The following LRRC7 variants were observed in gnomAD, a reference collection of about 807,000 sequenced individuals.
LRRC7 encodes the protein leucine rich repeat containing 7.
Under a neutral mutation model 175.7 loss-of-function variants are expected in LRRC7, and 23 were observed. That is an observed-to-expected ratio of 0.13 (90% confidence interval 0.09 to 0.19). The LOEUF (loss-of-function observed/expected upper bound fraction) is 0.19. Among genes scored for constraint, LRRC7 ranks in the 10% least tolerant of loss-of-function variants. LRRC7 has a pLI of 1.00. For missense variants in LRRC7, 1,354 were observed against 1,904.7 expected, an observed-to-expected ratio of 0.71 and a Z score of 5.38; for synonymous variants, 685 against 680.9, an observed-to-expected ratio of 1.01 and a Z score of -0.09.
chr1:69,898,443 AG>A (rs1646040069), intron 7 of LRRC7, among the ~76,000 whole-genome samples: 1 of 152,244 alleles, frequency 6.6e-6, no homozygotes, highest in African/African-American at 2.4e-5. Flanking sequence ...TTAGCTGAAA[AG>A]GACTTTAATG....
Position 70,128,582 on chromosome 1 carries a change from A to T in LRRC7, c.*6695A>T, listed in dbSNP as rs184581052. The T allele has an allele frequency of 1.8e-4, 27 of 152,342 alleles. No homozygotes were observed. In the East Asian group the frequency reaches 4.2e-3, roughly 24 times the overall value. 9.4% of individuals were successfully genotyped at this position (152,342 alleles called of 1,614,324 possible). ...GAATCTCTGAGGCCTAAAGTATATT[A>T]TTCATAAACTGAAAACATTTGGAGA... On this transcript the variant is annotated 3_prime_UTR_variant, in exon 27 of 27. Coordinates refer to ENST00000651989, the MANE Select transcript of LRRC7 (RefSeq NM_001370785.2).
intron 4 of LRRC7, among the ~76,000 whole-genome samples, chr1:69,798,363 T>C (rs915420521): frequency 2.0e-5 from 3 of 152,282 alleles, no homozygotes; most frequent in African/African-American, 2.4e-5. Flanking sequence ...ATCGTACTTA[T>C]TATTCAAAAC....
chr1:69,945,251 G>T (rs1030510389), intron 8 of LRRC7, among the ~76,000 whole-genome samples: 2 of 151,994 alleles, frequency 1.3e-5, no homozygotes, highest in Non-Finnish European at 2.9e-5. Context: ...GTATTTATCA[G>T]AGACTATCCT....
At chr1:70,072,298 G>A (rs60841362) in intron 23 of LRRC7, among the ~76,000 whole-genome samples, 5 of 152,092 alleles carry the variant, frequency 3.3e-5, no homozygotes, top group Non-Finnish European at 5.9e-5. Context: ...TGTTCTCATA[G>A]CTAACCCTCT....
At chr1:69,979,294 G>C (rs1234813839) in intron 8 of LRRC7, among the ~76,000 whole-genome samples, 3 of 152,192 alleles carry the variant, frequency 2.0e-5, no homozygotes, top group African/African-American at 7.2e-5. Context: ...CAAGGCCTAA[G>C]AATAGGGAAG....
chr1:69,995,649 C>A (rs529739444), intron 11 of LRRC7, among the ~76,000 whole-genome samples: 1 of 150,880 alleles, frequency 6.6e-6, no homozygotes, highest in African/African-American at 2.4e-5. Context: ...TGAGAATATG[C>A]GGTGTTTGGT....
intron 1 of LRRC7, among the ~76,000 whole-genome samples, chr1:69,665,504 A>G (rs371774086): frequency 5.3e-5 from 8 of 152,076 alleles, no homozygotes; most frequent in South Asian, 4.2e-4. Flanking sequence ...CTTTGTATTA[A>G]TGTTTTATAG....
At chr1:69,646,408 G>A (rs1023315976) in intron 1 of LRRC7, among the ~76,000 whole-genome samples, 1 of 152,088 alleles carries the variant, frequency 6.6e-6, no homozygotes, top group African/African-American at 2.4e-5. Context: ...AGTTATAATA[G>A]TATGTGGTAC....
intron 7 of LRRC7, among the ~76,000 whole-genome samples, chr1:69,907,802 T>C (rs1646371979): frequency 1.3e-5 from 2 of 152,142 alleles, no homozygotes; most frequent in Admixed American, 6.5e-5. Flanking sequence ...GATTCCCTCT[T>C]TTTCTATTGA....
At chr1:69,883,901 G>C (rs1257134595) in intron 7 of LRRC7, among the ~76,000 whole-genome samples, 3 of 88,224 alleles carry the variant, frequency 3.4e-5, no homozygotes, top group Non-Finnish European at 7.1e-5. Context: ...TTTTTCTCAG[G>C]TTTGTCAAAG....
rs186280787 is a variant in LRRC7 at position 69,916,310 on chromosome 1, T to C, written c.648-15197T>C. Among the ~76,000 whole-genome samples, 1,014 of 139,230 alleles carry C rather than the reference T, an allele frequency of 7.3e-3. 14 individuals are homozygous for C. Among genetic ancestry groups the C allele is most frequent in the African/African-American group, 0.025 (927 of 37,772 alleles). 91.3% of individuals were successfully genotyped at this position (139,230 alleles called of 152,430 possible). A position where few individuals can be genotyped will look rare whatever the true frequency, so the allele number is the denominator to read the frequency against. On this transcript the variant is annotated intron_variant, in intron 7 of 26. Transcript: ENST00000651989. ...TATATTATATATATAAAACTATATA[T>C]ATATATAGTTTTGTTGTTGCACTTC...
chr1:69,632,450 A>G (rs1408055852), intron 1 of LRRC7, among the ~76,000 whole-genome samples: 1 of 152,130 alleles, frequency 6.6e-6, no homozygotes, highest in Non-Finnish European at 1.5e-5. Flanking sequence ...TCTAAATTGT[A>G]TTTAATTTTG....
chr1:70,097,902 A>G (rs1244055135), intron 25 of LRRC7, among the ~76,000 whole-genome samples: 3 of 148,660 alleles, frequency 2.0e-5, no homozygotes, highest in Non-Finnish European at 4.5e-5. Context: ...TGCTATTGTG[A>G]ATAATGCTGC....
In LRRC7 at chr1:69,752,114, C is replaced by CT. The variant is rs561636682; in HGVS notation, c.101-8074dup. Among the ~76,000 whole-genome samples, 5 of 152,092 alleles carry CT rather than the reference C, an allele frequency of 3.3e-5. No individual in the cohort carries two copies. In the South Asian group the frequency reaches 6.2e-4, roughly 19 times the overall value. Reference sequence around the variant, plus strand: ...AATATCAAATAAGCCTCAGATGCCCCTTTGGAGTACCAGAATCACCATGTA... The same window carrying CT: ...AATATCAAATAAGCCTCAGATGCCCCTTTTGGAGTACCAGAATCACCATGTA... On this transcript the variant is annotated intron_variant, in intron 2 of 26. Transcript: ENST00000651989.
At chr1:69,729,083 C>T (rs1465571058) in intron 2 of LRRC7, among the ~76,000 whole-genome samples, 1 of 152,148 alleles carries the variant, frequency 6.6e-6, no homozygotes, top group African/African-American at 2.4e-5. Flanking sequence ...AACTCACTCA[C>T]TATCACAAGA....
intron 4 of LRRC7, among the ~76,000 whole-genome samples, chr1:69,811,305 C>T (rs1325786818): frequency 1.3e-5 from 2 of 152,144 alleles, no homozygotes; most frequent in Non-Finnish European, 2.9e-5. Flanking sequence ...AATAGAAATG[C>T]TCTTACACTG....
At chr1:69,905,518 T>A (rs1172454606) in intron 7 of LRRC7, among the ~76,000 whole-genome samples, 2 of 152,202 alleles carry the variant, frequency 1.3e-5, no homozygotes, top group African/African-American at 2.4e-5. Flanking sequence ...TTTCCTTTTT[T>A]GTCCTTGCGA....
At chr1:69,827,457 A>G (rs546001786) in intron 5 of LRRC7, among the ~76,000 whole-genome samples, 4 of 152,240 alleles carry the variant, frequency 2.6e-5, no homozygotes, top group Non-Finnish European at 4.4e-5. Context: ...CACTGTAAAC[A>G]TTAAACAGTT....
intron 8 of LRRC7, among the ~76,000 whole-genome samples, chr1:69,947,382 G>A (rs1287558748): frequency 1.3e-5 from 2 of 151,424 alleles, no homozygotes; most frequent in East Asian, 3.9e-4. Flanking sequence ...ATTCTTTATA[G>A]TTATTTGTTT....
Sources: gnomAD v4.1 joint callset for allele counts (sites outside exome capture counted in the v4.1 genomes callset) on GRCh38, gnomAD v4.1.1 for gene constraint, MANE v1.5 for transcripts, NCBI Gene and HGNC (gene_info 2026-07-23, HGNC 2026-07-21) for gene names.